The following SSBP2 variants were observed in gnomAD, a reference collection of about 807,000 sequenced individuals.
The protein encoded by SSBP2 is single-stranded DNA-binding protein 2.
A neutral mutation model predicts 61.8 loss-of-function variants in SSBP2; 17 were observed. The ratio of observed to expected loss-of-function variants is 0.28; its 90% CI spans 0.19 to 0.41. SSBP2 has a LOEUF of 0.41. Among genes scored for constraint, SSBP2 ranks in the 10% least tolerant of loss-of-function variants. SSBP2 has a pLI of 1.00. For synonymous variants in SSBP2, 139 were observed against 141.3 expected (o/e 0.98, Z 0.12); for missense variants, 310 against 458.7 (o/e 0.68, Z 2.96).
At chr5:81,694,786 G>A (rs1275972778) in intron 1 of SSBP2, among the ~76,000 whole-genome samples, 1 of 152,100 alleles carries the variant, frequency 6.6e-6, no homozygotes, top group Non-Finnish European at 1.5e-5. Flanking sequence ...ACCAGCCTGG[G>A]CAACATAGCA....
intron 4 of SSBP2, among the ~76,000 whole-genome samples, chr5:81,559,107 A>C (rs945982894): frequency 7.9e-5 from 12 of 151,970 alleles, no homozygotes; most frequent in African/African-American, 2.9e-4. Flanking sequence ...TACAAAAATT[A>C]GCTGGGTGCG....
intron 1 of SSBP2, among the ~76,000 whole-genome samples, chr5:81,663,286 A>G (rs1421312530): frequency 2.0e-5 from 3 of 152,202 alleles, no homozygotes; most frequent in African/African-American, 7.2e-5. Context: ...TTCTACATAT[A>G]TACATGTCCG....
intron 4 of SSBP2, among the ~76,000 whole-genome samples, chr5:81,582,446 A>AT (rs1293918653): frequency 6.6e-6 from 1 of 152,194 alleles, no homozygotes; most frequent in African/African-American, 2.4e-5. Context: ...CTCAATTTTT[A>AT]TATTAGATTT....
intron 4 of SSBP2, among the ~76,000 whole-genome samples, chr5:81,604,859 A>G (rs1744725923): frequency 6.6e-6 from 1 of 152,118 alleles, no homozygotes. Flanking sequence ...TAAATGTTTC[A>G]TATGTTTTAG....
chr5:81,507,786 A>G (rs1193174832), intron 5 of SSBP2, among the ~76,000 whole-genome samples: 3 of 152,138 alleles, frequency 2.0e-5, no homozygotes, highest in Admixed American at 6.6e-5. Flanking sequence ...GAAATTCACA[A>G]GAGAAGCTTC....
At chr5:81,742,194 TTTATA>T (rs1757069829) in intron 1 of SSBP2, among the ~76,000 whole-genome samples, 1 of 152,326 alleles carries the variant, frequency 6.6e-6, no homozygotes, top group Non-Finnish European at 1.5e-5. Context: ...TACAATTTCA[TTTATA>T]TTAAATTTAA....
chr5:81,506,799 C>G (rs1317912898), intron 5 of SSBP2, among the ~76,000 whole-genome samples: 2 of 152,064 alleles, frequency 1.3e-5, no homozygotes, highest in Non-Finnish European at 2.9e-5. Context: ...AAACATCTAT[C>G]TCCCAAAAAC....
Position 81,655,844 on chromosome 5 carries a change from C to T in SSBP2, c.63-5505G>A, listed in dbSNP as rs146887998. Among the ~76,000 whole-genome samples the T allele has an allele frequency of 6.9e-3, 1,052 of 152,244 alleles. 12 individuals are homozygous for T. Among genetic ancestry groups the T allele is most frequent in the African/African-American group, 0.023 (976 of 41,542 alleles). ...CAAAATTCCAGAATTGGAATTGTATCGGTCTCCAGTTCTGACAGTCAAATA... is the reference window on the plus strand; with the variant it reads ...CAAAATTCCAGAATTGGAATTGTATTGGTCTCCAGTTCTGACAGTCAAATA... On this transcript the variant is annotated intron_variant, in intron 1 of 16. Transcript: ENST00000320672.
At chr5:81,637,193 A>G (rs1748320051) in intron 2 of SSBP2, among the ~76,000 whole-genome samples, 1 of 152,194 alleles carries the variant, frequency 6.6e-6, no homozygotes. Context: ...CTCTCTTCAG[A>G]GGTTAAAGGT....
chr5:81,639,193 CAGA>C (rs1285920431), intron 2 of SSBP2, among the ~76,000 whole-genome samples: 4 of 152,072 alleles, frequency 2.6e-5, no homozygotes, highest in African/African-American at 9.7e-5. Flanking sequence ...AGGGTGTGGG[CAGA>C]AGAAGACATA....
chr5:81,442,246 A>T (rs1431487837), intron 13 of SSBP2, among the ~76,000 whole-genome samples: 2 of 152,158 alleles, frequency 1.3e-5, no homozygotes, highest in African/African-American at 4.8e-5. Flanking sequence ...TTCTAAAAAA[A>T]ACAAGCATAG....
chr5:81,738,273 T>C (rs930414767), intron 1 of SSBP2, among the ~76,000 whole-genome samples: 1 of 152,222 alleles, frequency 6.6e-6, no homozygotes, highest in Non-Finnish European at 1.5e-5. Context: ...AATTTACACA[T>C]TTAGGATATG....
chr5:81,526,900 T>C lies in SSBP2; in HGVS notation c.283-13183A>G, dbSNP rs558448538. On this transcript the variant is annotated intron_variant, in intron 4 of 16. Coordinates refer to ENST00000320672, the MANE Select transcript of SSBP2 (RefSeq NM_012446.5). ...AAAGGTTTCCTCAAAGTAACAAATA[T>C]TCTTCAGGCTGAGACCTGAAGAATC... is the stretch of plus-strand genomic sequence containing the variant. Among the ~76,000 whole-genome samples the C allele has an allele frequency of 1.2e-4, 18 of 151,926 alleles. No individual in the cohort carries two copies. The East Asian group carries it at 3.1e-3, about 26-fold the overall frequency.
At chr5:81,631,929 CAT>C (rs1254608890) in intron 3 of SSBP2, among the ~76,000 whole-genome samples, 1 of 152,130 alleles carries the variant, frequency 6.6e-6, no homozygotes, top group African/African-American at 2.4e-5. Flanking sequence ...ACTGAATCCA[CAT>C]GTTTTCCTTT....
At chr5:81,493,636 G>A (rs1198440989) in intron 5 of SSBP2, among the ~76,000 whole-genome samples, 11 of 151,940 alleles carry the variant, frequency 7.2e-5, no homozygotes, top group Non-Finnish European at 1.5e-4. Context: ...TGTGCCTGTA[G>A]TCCCAGCTAC....
At chr5:81,483,100 C>G (rs1766117281) in intron 6 of SSBP2, among the ~76,000 whole-genome samples, 1 of 152,108 alleles carries the variant, frequency 6.6e-6, no homozygotes, top group Non-Finnish European at 1.5e-5. Flanking sequence ...AGTTCACTGT[C>G]TTGTATGGGC....
chr5:81,448,768 A>G, intron 11 of SSBP2, 22 bp downstream of exon 11: 1 of 1,609,888 alleles, frequency 6.2e-7, no homozygotes, highest in Non-Finnish European at 8.5e-7. Context: ...TCTTATAAGC[A>G]AACAAACCCA....
At chr5:81,738,233 C>T (rs771872663) in intron 1 of SSBP2, among the ~76,000 whole-genome samples, 2 of 152,190 alleles carry the variant, frequency 1.3e-5, no homozygotes, top group African/African-American at 4.8e-5. Flanking sequence ...CTTGGTTACA[C>T]TGGTGTGTTC....
In SSBP2 at chr5:81,641,900, T is replaced by C. The variant is rs893801953; in HGVS notation, c.136-5282A>G. ...AAATTTGGAAGGTTGGAGAATATTA[T>C]GTATAGCATAAAACCTTTCTGCTTG... On this transcript the variant is annotated intron_variant, in intron 2 of 16. Transcript: ENST00000320672. Among the ~76,000 whole-genome samples the C allele has an allele frequency of 1.2e-4, 19 of 152,184 alleles. No individual in the cohort carries two copies. The East Asian group carries it at 3.7e-3, about 29-fold the overall frequency.
Sources: gnomAD v4.1 joint callset for allele counts (sites outside exome capture counted in the v4.1 genomes callset) on GRCh38, gnomAD v4.1.1 for gene constraint, MANE v1.5 for transcripts, NCBI Gene and HGNC (gene_info 2026-07-23, HGNC 2026-07-21) for gene names.